Variants in MECOM observed in about 807,000 individuals in gnomAD.
MECOM encodes MDS1 and EVI1 complex locus, also known as histone-lysine N-methyltransferase MECOM.
In MECOM, 13 loss-of-function variants were observed where a neutral mutation model predicts 116.3. The ratio of observed to expected loss-of-function variants is 0.11; its 90% CI spans 0.07 to 0.18. MECOM has a LOEUF of 0.18. Ranked by LOEUF, MECOM falls within the 10% of genes least tolerant of loss-of-function variation. The pLI is 1.00. For synonymous variants in MECOM, 528 were observed against 535.2 expected (o/e 0.99, Z 0.19); for missense variants, 1,299 against 1,509.0 (o/e 0.86, Z 2.31).
At chr3:169,240,348 A>G (rs189734970) in intron 2 of MECOM, among the ~76,000 whole-genome samples, 26 of 152,092 alleles carry the variant, frequency 1.7e-4, no homozygotes, top group Middle Eastern at 3.4e-3. Context: ...TCATTCCCCA[A>G]CCCCCACCCT....
chr3:169,147,582 T>A, intron 2 of MECOM: 3 of 985,380 alleles, frequency 3.0e-6, no homozygotes, highest in Non-Finnish European at 2.4e-6. Context: ...AGGGACAGAC[T>A]GATTATGGAT....
At chr3:169,136,758 G>C (rs773367476) in intron 3 of MECOM, among the ~76,000 whole-genome samples, 2 of 152,030 alleles carry the variant, frequency 1.3e-5, no homozygotes, top group Admixed American at 6.6e-5. Flanking sequence ...TGTTGAGACA[G>C]AAAAGTTCTG....
At chr3:169,114,140 G>A (rs191930874) in intron 8 of MECOM, among the ~76,000 whole-genome samples, 2 of 151,818 alleles carry the variant, frequency 1.3e-5, no homozygotes, top group Non-Finnish European at 2.9e-5. Flanking sequence ...TTGGAAATAC[G>A]ACTTTACCCG....
At chr3:169,503,744 C>T (rs1274777109) in intron 1 of MECOM, among the ~76,000 whole-genome samples, 2 of 152,164 alleles carry the variant, frequency 1.3e-5, no homozygotes, top group African/African-American at 4.8e-5. Context: ...TTAAAACCTT[C>T]AGCAGTTAAG....
intron 1 of MECOM, among the ~76,000 whole-genome samples, chr3:169,512,259 C>T (rs1756064099): frequency 6.6e-6 from 1 of 152,200 alleles, no homozygotes; most frequent in African/African-American, 2.4e-5. Flanking sequence ...ACCCTGAGGC[C>T]AAGGCCAAGA....
intron 2 of MECOM, among the ~76,000 whole-genome samples, chr3:169,348,187 A>G (rs576812877): frequency 6.6e-6 from 1 of 152,018 alleles, no homozygotes; most frequent in African/African-American, 2.4e-5. Context: ...GGAATATTGC[A>G]GATTCTGTCT....
chr3:169,520,653 T>A (rs750163932), intron 1 of MECOM, among the ~76,000 whole-genome samples: 31 of 152,218 alleles, frequency 2.0e-4, no homozygotes, highest in African/African-American at 2.9e-4. Context: ...ATTATCTCAT[T>A]TCTCATTTTG....
intron 2 of MECOM, among the ~76,000 whole-genome samples, chr3:169,281,047 A>G (rs1711860420): frequency 6.6e-6 from 1 of 152,146 alleles, no homozygotes; most frequent in African/African-American, 2.4e-5. Flanking sequence ...GCACAAAGCT[A>G]CTCTGCATGG....
intron 2 of MECOM, among the ~76,000 whole-genome samples, chr3:169,242,469 T>C (rs1754991279): frequency 6.6e-6 from 1 of 152,202 alleles, no homozygotes; most frequent in African/African-American, 2.4e-5. Flanking sequence ...ATAACGCTCC[T>C]GCCTGCTATT....
At chr3:169,368,076 T>A (rs894372430) in intron 2 of MECOM, among the ~76,000 whole-genome samples, 1 of 152,088 alleles carries the variant, frequency 6.6e-6, no homozygotes, top group Admixed American at 6.6e-5. Context: ...TTGGTGTCTA[T>A]TTGCACACGT....
rs1225510672 is a variant in MECOM at position 169,381,222 on chromosome 3, T to A, written c.340A>T (p.Arg114Trp). The change falls in exon 2 of 17, where the codon AGG (arginine) becomes TGG (tryptophan). Residue 114 changes from arginine to tryptophan, a missense_variant. By Grantham distance (101) the Arg-to-Trp change is moderately radical. Around this residue, in one of 6 missense-constraint regions of MECOM, gnomAD observed 374 missense variants for 433.4 expected, o/e 0.86. Transcript: ENST00000651503. The part of the protein sequence containing the change: ...EKFGPYVGEQ[R>W]SNLKDPSYGW... ...TAACTGGGGTCTTTCAGGTTTGACC[T>A]CTGCTCTCCCACATAAGGCCCAAAC... 3.1e-6 allele frequency: 5 copies of A among 1,612,054 alleles called. No individual in the cohort carries two copies. In the South Asian group the frequency reaches 5.5e-5, roughly 18 times the overall value.
chr3:169,639,202 A>G (rs1456098094), intron 1 of MECOM, among the ~76,000 whole-genome samples: 2 of 152,132 alleles, frequency 1.3e-5, no homozygotes, highest in Admixed American at 6.5e-5. Flanking sequence ...GCTCTCCCAT[A>G]TTAATATGGC....
intron 2 of MECOM, among the ~76,000 whole-genome samples, chr3:169,331,014 T>C (rs560989772): frequency 6.6e-6 from 1 of 152,238 alleles, no homozygotes; most frequent in Non-Finnish European, 1.5e-5. Flanking sequence ...TTGATTATTA[T>C]GCCACCACAA....
rs77151301 is a variant in MECOM at position 169,588,536 on chromosome 3, A to G, written c.37+74800T>C. ...CACACAATTTATGTGGAAATAAAGT[A>G]CATTCCTCATTTGTTTCTGCGTCAG... On this transcript the variant is annotated intron_variant, in intron 1 of 16. Coordinates refer to ENST00000651503, the MANE Select transcript of MECOM (RefSeq NM_004991.4). Among the ~76,000 whole-genome samples, 43 of 152,332 alleles carry G rather than the reference A, an allele frequency of 2.8e-4. No homozygotes were observed. The East Asian group carries it at 8.3e-3, about 29-fold the overall frequency.
At chr3:169,306,036 T>G (rs1387021583) in intron 2 of MECOM, among the ~76,000 whole-genome samples, 1 of 152,178 alleles carries the variant, frequency 6.6e-6, no homozygotes, top group Non-Finnish European at 1.5e-5. Flanking sequence ...CTAGGTACAT[T>G]GTTACCGCTC....
intron 2 of MECOM, among the ~76,000 whole-genome samples, chr3:169,166,128 T>C (rs1362926837): frequency 1.3e-5 from 2 of 152,192 alleles, no homozygotes; most frequent in Admixed American, 1.3e-4. Context: ...AGGTTTTTCA[T>C]AGGTAACGCT....
intron 1 of MECOM, among the ~76,000 whole-genome samples, chr3:169,660,435 G>C (rs1318190315): frequency 6.6e-6 from 1 of 152,064 alleles, no homozygotes; most frequent in African/African-American, 2.4e-5. Flanking sequence ...TCTCGGTGTA[G>C]ATTCAGTGGG....
chr3:169,093,106 T>G lies in MECOM; in HGVS notation c.3020-4A>C. The stretch of plus-strand genomic sequence containing the variant: ...TGAGGCGACGATGTTGCTGTACCTG[T>G]GTGGAGCAGAAAGCCTTTTATGACA... On this transcript the variant is annotated splice_region_variant and splice_polypyrimidine_tract_variant and intron_variant, in intron 13 of 16. Transcript: ENST00000651503. The G allele has an allele frequency of 6.3e-7, 1 of 1,589,916 alleles. No homozygotes were observed. The highest frequency in any genetic ancestry group is 1.4e-5 in the African/African-American group (1 of 73,616).
At position 169,116,628 on chromosome 3, in the gene MECOM, C is replaced by A. The variant is rs1446914453; in HGVS notation, c.1244G>T (p.Ser415Ile). 6.2e-7 allele frequency: 1 copy of A among 1,614,190 alleles called. No homozygotes were observed. The highest frequency in any genetic ancestry group is 8.5e-7 in the Non-Finnish European group (1 of 1,180,034). Residue 415 changes from serine (S) to isoleucine (I), a missense_variant, in exon 8 of 17, where the codon AGC (serine) becomes ATC (isoleucine). Ser to Ile is a moderately radical substitution (Grantham distance 142, BLOSUM62 -2). Around this residue, in one of 6 missense-constraint regions of MECOM, gnomAD observed 42 missense variants for 103.9 expected, o/e 0.40. Coordinates refer to ENST00000651503, the MANE Select transcript of MECOM (RefSeq NM_004991.4). ...IKCKDCGQMF[S>I]TTSSLNKHRR... ...GTGTTTATTTAAGGAAGACGTAGTG[C>A]TGAACATTTGTCCACAGTCTTTGCA...
Sources: allele counts gnomAD v4.1 joint callset (sites outside exome capture counted in the v4.1 genomes callset), GRCh38; gene constraint gnomAD v4.1.1; regional missense constraint gnomAD v4.1.1; transcripts MANE v1.5; gene names NCBI Gene and HGNC (gene_info 2026-07-23, HGNC 2026-07-21).